Variants in NALCN observed in about 807,000 individuals in gnomAD.
NALCN encodes sodium leak channel, non-selective, also known as sodium leak channel NALCN.
In NALCN, 111 loss-of-function variants were observed where a neutral mutation model predicts 225.3. That is an observed-to-expected ratio of 0.49 (90% CI 0.42 to 0.58). The LOEUF (loss-of-function observed/expected upper bound fraction) is 0.58, where lower values mean the gene tolerates loss of function less well. NALCN is among the 20% of genes least tolerant of loss of function. NALCN has a pLI of 0.00. For missense variants in NALCN, 1,378 were observed against 2,202.4 expected, an observed-to-expected ratio of 0.63 and a Z score of 7.49; for synonymous variants, 764 against 769.0, an observed-to-expected ratio of 0.99 and a Z score of 0.11.
At chr13:101,273,372 A>G (rs560105518) in intron 10 of NALCN, among the ~76,000 whole-genome samples, 1 of 152,314 alleles carries the variant, frequency 6.6e-6, no homozygotes, top group South Asian at 2.1e-4. Context: ...TTTGGTGCTA[A>G]AAGAGTCAAT....
intron 22 of NALCN, among the ~76,000 whole-genome samples, chr13:101,107,283 C>G (rs960805314): frequency 6.6e-6 from 1 of 152,162 alleles, no homozygotes; most frequent in African/African-American, 2.4e-5. Flanking sequence ...TTTATCAATG[C>G]GAGTTTTCTA....
chr13:101,105,160 T>C (rs1011591711), intron 22 of NALCN, among the ~76,000 whole-genome samples: 2 of 152,244 alleles, frequency 1.3e-5, no homozygotes, highest in Non-Finnish European at 2.9e-5. Flanking sequence ...TTGATGCTTA[T>C]GAAAATAAAG....
In NALCN at chr13:101,089,658, C is replaced by T; in HGVS notation, c.3489+5G>A. On this transcript the variant is annotated splice_donor_5th_base_variant and intron_variant, in intron 30 of 43. Coordinates refer to ENST00000251127, the MANE Select transcript of NALCN (RefSeq NM_052867.4). The surrounding 1 kb of genome is among the most constrained non-coding windows in gnomAD (Gnocchi z 4.7). ...CCCTGTGGTATCCAAACCAAAAATC[C>T]TTACCTTGTTTTCATTGAAATTAGC... 1 of 1,613,232 alleles carries T rather than the reference C, an allele frequency of 6.2e-7. No individual in the cohort carries two copies. Among genetic ancestry groups the T allele is most frequent in the Non-Finnish European group, 8.5e-7 (1 of 1,179,828 alleles).
intron 18 of NALCN, among the ~76,000 whole-genome samples, chr13:101,120,520 T>TA (rs34604121): frequency 0.012 from 1,726 of 139,004 alleles, 9 homozygotes; most frequent in East Asian, 0.018. Flanking sequence ...ATGCCAAACT[T>TA]AAAAAAAAAA....
intron 40 of NALCN, 36 bp downstream of exon 40, chr13:101,065,367 TG>T: frequency 6.2e-7 from 1 of 1,609,602 alleles, no homozygotes; most frequent in Non-Finnish European, 8.5e-7. Flanking sequence ...CTGTGGTTTC[TG>T]GCCCCCATTC....
intron 18 of NALCN, among the ~76,000 whole-genome samples, 153 bp from the exon 19 acceptor site, chr13:101,111,379 T>C (rs955504551): frequency 9.9e-5 from 15 of 152,172 alleles, no homozygotes; most frequent in Admixed American, 9.2e-4. Flanking sequence ...GAAAATGAAC[T>C]TTACGCTCTG....
rs896798771 is a variant in NALCN, at chr13:101,247,728, G to A, written c.1267-9806C>T. ...TACATAAGTAAATGTGTGCCATGGC[G>A]GTTTGCTGCACCTATAAACCCATGA... is the stretch of plus-strand genomic sequence containing the variant. On this transcript the variant is annotated intron_variant, in intron 11 of 43. Transcript: ENST00000251127. Among the ~76,000 whole-genome samples, 6 of 152,066 alleles carry A rather than the reference G, an allele frequency of 3.9e-5. No individual in the cohort carries two copies. In the East Asian group the frequency reaches 5.8e-4, roughly 15 times the overall value.
chr13:101,095,620 A>G lies in NALCN; in HGVS notation c.3223T>C (p.Leu1075=). 1 of 1,613,616 alleles carries G rather than the reference A, an allele frequency of 6.2e-7. No individual in the cohort carries two copies. The highest frequency in any genetic ancestry group is 1.7e-5 in the Admixed American group (1 of 59,988). Residue 1075 remains leucine (L), a synonymous_variant, in exon 28 of 44, where the codon TTG becomes CTG. Coordinates refer to ENST00000251127, the MANE Select transcript of NALCN (RefSeq NM_052867.4). ...VSVSKNLNLK[L]RPGEKKPGFW... is the part of the protein sequence containing the mutation. ...CCAGGTTTTTTCTCTCCAGGCCTCAATTTTAAATTTAAGTTCTTTGACACA... is the reference window on the plus strand; with the variant it reads ...CCAGGTTTTTTCTCTCCAGGCCTCAGTTTTAAATTTAAGTTCTTTGACACA...
intron 13 of NALCN, among the ~76,000 whole-genome samples, chr13:101,194,524 T>G (rs56944903): frequency 0.04 from 6,056 of 152,298 alleles, 387 homozygotes; most frequent in African/African-American, 0.14. Flanking sequence ...AGATAGTGAC[T>G]CAAGTGCACT....
intron 37 of NALCN, among the ~76,000 whole-genome samples, chr13:101,073,226 T>G (rs1377857119): frequency 6.6e-6 from 1 of 152,110 alleles, no homozygotes; most frequent in Non-Finnish European, 1.5e-5. Flanking sequence ...GTTGAAGACC[T>G]AGGGCCTAGC....
chr13:101,126,118 A>G (rs1347081633), intron 17 of NALCN, among the ~76,000 whole-genome samples: 1 of 152,230 alleles, frequency 6.6e-6, no homozygotes, highest in African/African-American at 2.4e-5. Flanking sequence ...ATAAAGCCAT[A>G]GTGGAGAAGA....
At chr13:101,302,826 A>G (rs1000779243) in intron 7 of NALCN, among the ~76,000 whole-genome samples, 2 of 152,010 alleles carry the variant, frequency 1.3e-5, no homozygotes, top group African/African-American at 4.8e-5. Flanking sequence ...TGCTATCCAC[A>G]TTCTTCAGTA....
chr13:101,279,836 AAAATAAAT>A lies in NALCN; in HGVS notation c.1134+4089_1134+4096del, dbSNP rs71121179. 2.2e-3 allele frequency among the ~76,000 whole-genome samples: 295 copies of A among 134,026 alleles called. 2 individuals carry two copies. Among genetic ancestry groups the A allele is most frequent in the South Asian group, 0.013 (56 of 4,236 alleles). The allele number at this position is 134,026 out of a possible 152,430, so 87.9% of individuals were successfully genotyped here. On this transcript the variant is annotated intron_variant, in intron 10 of 43. Transcript: ENST00000251127. ...CGTCTCAAAAAATAAATAAATAAAT[AAAATAAAT>A]AAATAAATAAATAAATAAATAAATA...
intron 27 of NALCN, 102 bp from the exon 28 acceptor site, chr13:101,095,782 G>A: frequency 1.0e-6 from 1 of 953,218 alleles, no homozygotes; most frequent in Non-Finnish European, 1.6e-6. Flanking sequence ...AATCCCAAAA[G>A]CCCTTTATCT....
rs991192159 is a variant in NALCN at position 101,360,081 on chromosome 13, TTC to T, written c.645-14663_645-14662del. ...TCTTTCTTTCTTTTTCTTTCTTTCT[TTC>T]TCTTTCTTTCTTTTCTTTCTCTTTC... On this transcript the variant is annotated intron_variant, in intron 6 of 43. Coordinates refer to ENST00000251127, the MANE Select transcript of NALCN (RefSeq NM_052867.4). 1.0e-4 allele frequency among the ~76,000 whole-genome samples: 15 copies of T among 149,240 alleles called. No individual in the cohort carries two copies. The South Asian group carries it at 1.1e-3, about 10-fold the overall frequency.
At chr13:101,082,697 C>G in intron 33 of NALCN, 112 bp downstream of exon 33, 1 of 1,119,622 alleles carries the variant, frequency 8.9e-7, no homozygotes. Flanking sequence ...TAAGGGCAAA[C>G]TTCAAAGGCA....
chr13:101,188,185 C>T (rs562758785), intron 14 of NALCN, among the ~76,000 whole-genome samples: 6 of 152,204 alleles, frequency 3.9e-5, no homozygotes, highest in South Asian at 4.1e-4. Context: ...ATTCACAGTC[C>T]GCGGAGTACC....
chr13:101,121,219 C>T (rs1041638886), intron 18 of NALCN, among the ~76,000 whole-genome samples: 53 of 152,008 alleles, frequency 3.5e-4, no homozygotes, highest in Admixed American at 2.6e-3. Flanking sequence ...CCCTGAAGAT[C>T]GCCTCCTCCT....
intron 25 of NALCN, among the ~76,000 whole-genome samples, 198 bp from the exon 26 acceptor site, chr13:101,103,537 G>A (rs1243960323): frequency 7.0e-6 from 1 of 143,554 alleles, no homozygotes; most frequent in Non-Finnish European, 1.5e-5. Flanking sequence ...TGTGTATGCA[G>A]GAAAGAAATG....
Sources: gnomAD v4.1 joint callset for allele counts (sites outside exome capture counted in the v4.1 genomes callset) on GRCh38, gnomAD v4.1.1 for gene constraint, Gnocchi (gnomAD v3.1) non-coding constraint, MANE v1.5 for transcripts, NCBI Gene and HGNC (gene_info 2026-07-23, HGNC 2026-07-21) for gene names.